FNBP1: variants seen among roughly 807,000 people sequenced by gnomAD.
FNBP1 encodes the protein formin binding protein 1.
FNBP1 carries 26 observed loss-of-function variants against 90.6 expected under a neutral mutation model. The observed-to-expected ratio is 0.29, with a 90% CI of 0.21 to 0.40. The LOEUF is 0.40. Among genes scored for constraint, FNBP1 ranks in the 10% least tolerant of loss-of-function variants. The probability of loss-of-function intolerance (pLI) is 1.00; values close to 1 mark genes in which losing one functional copy is unlikely to be tolerated. For synonymous variants in FNBP1, 260 were observed against 265.2 expected (o/e 0.98, Z 0.19); for missense variants, 635 against 768.0 (o/e 0.83, Z 2.05).
chr9:129,891,446 C>T (rs751981332), intron 16 of FNBP1, among the ~76,000 whole-genome samples: 2 of 152,052 alleles, frequency 1.3e-5, no homozygotes, highest in African/African-American at 2.4e-5. Flanking sequence ...GCTTGGGCAA[C>T]AGAGTGAGAA....
chr9:129,949,198 C>G (rs1324711614), intron 6 of FNBP1, among the ~76,000 whole-genome samples: 4 of 152,046 alleles, frequency 2.6e-5, no homozygotes, highest in African/African-American at 9.7e-5. Context: ...TCATTCAAAG[C>G]CTTCAAGTTC....
At chr9:130,007,253 A>AG (rs2055881718) in intron 1 of FNBP1, among the ~76,000 whole-genome samples, 1 of 150,708 alleles carries the variant, frequency 6.6e-6, no homozygotes, top group African/African-American at 2.4e-5. Context: ...AAAAAAAAAA[A>AG]AAAAGAAAAA....
At chr9:129,985,718 C>G (rs1028880025) in intron 2 of FNBP1, among the ~76,000 whole-genome samples, 1 of 151,284 alleles carries the variant, frequency 6.6e-6, no homozygotes, top group Non-Finnish European at 1.5e-5. Flanking sequence ...TCCCAGCACT[C>G]TGGGAGGCCG....
chr9:129,994,805 T>C (rs1256887078), intron 2 of FNBP1, 38 bp downstream of exon 2: 1 of 890,304 alleles, frequency 1.1e-6, no homozygotes, highest in Non-Finnish European at 1.9e-6. Context: ...TTACATCATT[T>C]TGCAGTTAAC....
chr9:129,901,911 C>CA (rs1003448403), intron 13 of FNBP1, among the ~76,000 whole-genome samples: 4 of 151,626 alleles, frequency 2.6e-5, no homozygotes, highest in South Asian at 2.1e-4. Flanking sequence ...GACTTCATCT[C>CA]AAAAAAAAGA....
At position 129,890,040 on chromosome 9, in the gene FNBP1, A is replaced by C; in HGVS notation, c.*499T>G. 1 of 245,478 alleles carries C rather than the reference A, an allele frequency of 4.1e-6. No individual in the cohort carries two copies. Among genetic ancestry groups the C allele is most frequent in the Non-Finnish European group, 8.0e-6 (1 of 125,556 alleles). 15.2% of individuals were successfully genotyped at this position (245,478 alleles called of 1,614,324 possible). The stretch of plus-strand genomic sequence containing the variant: ...ACTTCACAGACTCAGGAGAGGAGGA[A>C]GTGTTTTCTACAGCAGACAGTCTGG... On this transcript the variant is annotated 3_prime_UTR_variant, in exon 17 of 17. Transcript: ENST00000446176. This position sits in a 1 kb window ranked among gnomAD's most constrained non-coding sequence, Gnocchi z 5.8.
intron 1 of FNBP1, among the ~76,000 whole-genome samples, chr9:130,034,015 C>CAA (rs369731296): frequency 6.8e-5 from 7 of 102,246 alleles, no homozygotes; most frequent in Admixed American, 1.1e-4. Context: ...GACTCTGTCT[C>CAA]AAAAAAAAAA....
chr9:130,007,875 G>A (rs1474490177), intron 1 of FNBP1, among the ~76,000 whole-genome samples: 2 of 151,812 alleles, frequency 1.3e-5, no homozygotes, highest in African/African-American at 4.8e-5. Flanking sequence ...AATTAGCTGG[G>A]TATGGTGGCG....
intron 2 of FNBP1, among the ~76,000 whole-genome samples, chr9:129,982,306 A>T (rs2051387961): frequency 6.6e-6 from 1 of 152,130 alleles, no homozygotes; most frequent in Admixed American, 6.5e-5. Flanking sequence ...TCCTGTCTCT[A>T]CTAAAAATAC....
intron 6 of FNBP1, among the ~76,000 whole-genome samples, chr9:129,955,994 TG>T (rs962748009): frequency 5.9e-5 from 9 of 152,038 alleles, no homozygotes; most frequent in African/African-American, 2.2e-4. Flanking sequence ...TAATGTCTTT[TG>T]GTAAAGTAAG....
chr9:129,983,875 C>T (rs1438482167), intron 2 of FNBP1, among the ~76,000 whole-genome samples: 1 of 152,024 alleles, frequency 6.6e-6, no homozygotes, highest in Non-Finnish European at 1.5e-5. Context: ...GCAAATAAAC[C>T]ACTTAAAAAA....
intron 1 of FNBP1, among the ~76,000 whole-genome samples, chr9:130,004,387 T>G (rs2131525305): frequency 6.6e-6 from 1 of 152,332 alleles, no homozygotes; most frequent in Non-Finnish European, 1.5e-5. Context: ...AAGGGGGTCC[T>G]GAGGCCAGTC....
At chr9:130,008,933 C>T (rs1478792189) in intron 1 of FNBP1, among the ~76,000 whole-genome samples, 1 of 152,140 alleles carries the variant, frequency 6.6e-6, no homozygotes, top group African/African-American at 2.4e-5. Flanking sequence ...AGAAAGAAAT[C>T]TCACTCTAAA....
At chr9:129,973,026 C>T (rs1003414482) in intron 4 of FNBP1, among the ~76,000 whole-genome samples, 2 of 152,196 alleles carry the variant, frequency 1.3e-5, no homozygotes, top group Non-Finnish European at 2.9e-5. Flanking sequence ...CTTACAGATT[C>T]CTAAGTGTAT....
At chr9:129,989,514 C>T (rs1368150422) in intron 2 of FNBP1, among the ~76,000 whole-genome samples, 2 of 152,192 alleles carry the variant, frequency 1.3e-5, no homozygotes, top group East Asian at 3.9e-4. Context: ...ATGTGCCAGG[C>T]ACTGTTCTGC....
chr9:129,891,658 GAAAAGAAAC>G (rs1446584586), intron 16 of FNBP1, among the ~76,000 whole-genome samples: 1 of 152,110 alleles, frequency 6.6e-6, no homozygotes, highest in Non-Finnish European at 1.5e-5. Flanking sequence ...CAAGGAGAGA[GAAAAGAAAC>G]AAAAGAAACA....
At chr9:129,955,591 G>A (rs932355647) in intron 6 of FNBP1, among the ~76,000 whole-genome samples, 1 of 151,446 alleles carries the variant, frequency 6.6e-6, no homozygotes, top group African/African-American at 2.4e-5. Context: ...GGGTGTGGTG[G>A]GCTCCTGTAG....
At chr9:129,981,336 G>A (rs1330272232) in intron 2 of FNBP1, among the ~76,000 whole-genome samples, 4 of 152,056 alleles carry the variant, frequency 2.6e-5, no homozygotes, top group South Asian at 4.1e-4. Context: ...TGATCTGCCC[G>A]CCTCGGCCCC....
intron 6 of FNBP1, among the ~76,000 whole-genome samples, chr9:129,938,882 G>A (rs1464932409): frequency 1.3e-5 from 2 of 152,202 alleles, no homozygotes; most frequent in Admixed American, 1.3e-4. Context: ...AGATGTAAAT[G>A]ATGGTTTCCA....
Sources: allele counts gnomAD v4.1 joint callset (sites outside exome capture counted in the v4.1 genomes callset), GRCh38; gene constraint gnomAD v4.1.1; non-coding constraint Gnocchi (gnomAD v3.1); transcripts MANE v1.5; gene names NCBI Gene and HGNC (gene_info 2026-07-23, HGNC 2026-07-21).